DOCK10: variants seen among roughly 807,000 people sequenced by gnomAD.
DOCK10 encodes dedicator of cytokinesis 10, also known as dedicator of cytokinesis protein 10.
A neutral mutation model predicts 280.1 loss-of-function variants in DOCK10; 145 were observed. The ratio of observed to expected loss-of-function variants is 0.52; its 90% CI spans 0.45 to 0.59. The LOEUF is 0.59. DOCK10 is among the 20% of genes least tolerant of loss of function. DOCK10 has a pLI of 0.00. For synonymous variants in DOCK10, 915 were observed against 942.2 expected, an observed-to-expected ratio of 0.97 and a Z score of 0.53; for missense variants, 2,368 against 2,651.7, an observed-to-expected ratio of 0.89 and a Z score of 2.35.
intron 1 of DOCK10, among the ~76,000 whole-genome samples, chr2:225,040,902 C>T (rs1056129102): frequency 2.6e-5 from 4 of 152,156 alleles, no homozygotes; most frequent in African/African-American, 7.2e-5. Context: ...TGAAAATGTG[C>T]ACGCTGATAG....
Position 224,770,227 on chromosome 2 carries a change from G to A in DOCK10, c.6428C>T (p.Thr2143Ile), listed in dbSNP as rs1019957508. Reference sequence around the variant, plus strand: ...AGCGCTCACCTGCTCATTCATGACTGTGGAGAGTTCGCTGAGCATGTCCTT... The same window carrying A: ...AGCGCTCACCTGCTCATTCATGACTATGGAGAGTTCGCTGAGCATGTCCTT... ...HYKDMLSELS[T>I]VMNEQITGRD... is the part of the protein sequence containing the mutation. Residue 2143 changes from threonine (T) to isoleucine (I), a missense_variant, in exon 55 of 56, where the codon ACA (threonine) becomes ATA (isoleucine). Physicochemically the swap from Thr to Ile is moderately conservative, Grantham distance 89. Transcript: ENST00000258390. The surrounding 1 kb of genome is among the most constrained non-coding windows in gnomAD (Gnocchi z 4.5). 6.3e-6 allele frequency: 10 copies of A among 1,594,176 alleles called. No individual in the cohort carries two copies. The highest frequency in any genetic ancestry group is 8.5e-6 in the Non-Finnish European group (10 of 1,170,796).
chr2:224,861,831 C>T (rs907252484), intron 14 of DOCK10: 1 of 152,334 alleles, frequency 6.6e-6, no homozygotes, highest in East Asian at 1.9e-4. Flanking sequence ...CTCCTGACCT[C>T]GGGATCCGCC....
In DOCK10 at chr2:224,896,383, A is replaced by G. The variant is rs778662878; in HGVS notation, c.334-6T>C. On this transcript the variant is annotated splice_region_variant and splice_polypyrimidine_tract_variant and intron_variant, in intron 3 of 55. Transcript: ENST00000258390. ...GAACTATAAAATTTACAAGCCTGAA[A>G]GAAAGAAAAATGACAATTATTAATA... The G allele has an allele frequency of 2.6e-6, 4 of 1,541,244 alleles. No homozygotes were observed. Among genetic ancestry groups the G allele is most frequent in the Admixed American group, 3.6e-5 (2 of 56,172 alleles).
At chr2:224,922,333 C>G (rs62187985) in intron 2 of DOCK10, among the ~76,000 whole-genome samples, 35,069 of 152,088 alleles carry the variant, frequency 0.23, 4,541 homozygotes, top group Non-Finnish European at 0.28. Context: ...CAGATGCTTT[C>G]AGACCACTAC....
intron 28 of DOCK10, 89 bp downstream of exon 28, chr2:224,823,412 C>T: frequency 1.8e-6 from 2 of 1,129,160 alleles, no homozygotes; most frequent in Non-Finnish European, 2.4e-6. Flanking sequence ...TTTCATCATA[C>T]ATGAAGATGT....
chr2:224,994,412 A>G (rs1706211664), intron 1 of DOCK10, among the ~76,000 whole-genome samples: 1 of 152,250 alleles, frequency 6.6e-6, no homozygotes. Flanking sequence ...GCCAGGAAGT[A>G]GTACTACAAG....
intron 1 of DOCK10, among the ~76,000 whole-genome samples, chr2:225,036,539 A>T (rs920060404): frequency 3.9e-5 from 6 of 152,200 alleles, no homozygotes; most frequent in Admixed American, 2.0e-4. Flanking sequence ...TCTTATTAAA[A>T]TGCATTATCT....
chr2:224,952,036 A>G (rs765465486), intron 1 of DOCK10, among the ~76,000 whole-genome samples: 4 of 152,168 alleles, frequency 2.6e-5, no homozygotes, highest in Admixed American at 6.5e-5. Context: ...TCTCTGCTGT[A>G]GCCAGGGAAA....
chr2:224,896,223 A>T, intron 4 of DOCK10, 72 bp downstream of exon 4: 1 of 900,962 alleles, frequency 1.1e-6, no homozygotes, highest in Non-Finnish European at 1.7e-6. Context: ...TTCATGAACA[A>T]TGGCAGGACT....
intron 47 of DOCK10, among the ~76,000 whole-genome samples, chr2:224,792,701 A>G (rs879534126): frequency 2.6e-5 from 4 of 152,260 alleles, no homozygotes; most frequent in Non-Finnish European, 4.4e-5. Flanking sequence ...ACTGGCATGC[A>G]GATTGGTAGC....
chr2:225,021,411 T>C (rs1221699427), intron 1 of DOCK10, among the ~76,000 whole-genome samples: 1 of 152,192 alleles, frequency 6.6e-6, no homozygotes, highest in African/African-American at 2.4e-5. Context: ...CCATTTATGA[T>C]TATGTCCCCC....
At chr2:225,008,178 C>G (rs1411712693) in intron 1 of DOCK10, among the ~76,000 whole-genome samples, 1 of 152,112 alleles carries the variant, frequency 6.6e-6, no homozygotes. Flanking sequence ...CTTTTTATTT[C>G]TTTAGAGATG....
intron 4 of DOCK10, among the ~76,000 whole-genome samples, chr2:224,888,194 G>A (rs1699420414): frequency 6.6e-6 from 1 of 151,676 alleles, no homozygotes; most frequent in South Asian, 2.1e-4. Context: ...TGGATAAAGA[G>A]AATGTTTAAT....
intron 1 of DOCK10, among the ~76,000 whole-genome samples, chr2:225,018,909 CGTTATATATGTGTATATA>C (rs937547000): frequency 1.4e-5 from 2 of 138,704 alleles, no homozygotes; most frequent in Non-Finnish European, 3.1e-5. Flanking sequence ...ATATGTATAT[CGTTATATATGTGTATATA>C]GTTATATATG....
intron 1 of DOCK10, among the ~76,000 whole-genome samples, chr2:225,016,710 A>AT (rs1249972688): frequency 7.0e-6 from 1 of 143,070 alleles, no homozygotes; most frequent in Non-Finnish European, 1.5e-5. Flanking sequence ...TATAGACATA[A>AT]TTTTTTTTTT....
At chr2:225,033,955 A>C (rs958336999) in intron 1 of DOCK10, among the ~76,000 whole-genome samples, 24 of 152,208 alleles carry the variant, frequency 1.6e-4, no homozygotes, top group African/African-American at 5.3e-4. Flanking sequence ...ACTCTGTGCC[A>C]GTCCTGTCTT....
At chr2:224,981,101 T>A (rs1445768560) in intron 1 of DOCK10, among the ~76,000 whole-genome samples, 1 of 152,168 alleles carries the variant, frequency 6.6e-6, no homozygotes, top group Non-Finnish European at 1.5e-5. Flanking sequence ...TTCTTTGACA[T>A]TTGAACCTAT....
At chr2:224,874,828 A>G in intron 8 of DOCK10, 77 bp from the exon 9 acceptor site, 1 of 1,340,396 alleles carries the variant, frequency 7.5e-7, no homozygotes, top group South Asian at 1.2e-5. Flanking sequence ...GACATGCAAA[A>G]CTAAGTTAGG....
intron 3 of DOCK10, among the ~76,000 whole-genome samples, chr2:224,899,919 T>A (rs1327090191): frequency 2.6e-5 from 4 of 152,238 alleles, no homozygotes; most frequent in Non-Finnish European, 4.4e-5. Flanking sequence ...ATTCTTGTCC[T>A]GGGACTAGGA....
Sources: gnomAD v4.1 joint callset for allele counts (sites outside exome capture counted in the v4.1 genomes callset) on GRCh38, gnomAD v4.1.1 for gene constraint, Gnocchi (gnomAD v3.1) non-coding constraint, MANE v1.5 for transcripts, NCBI Gene and HGNC (gene_info 2026-07-23, HGNC 2026-07-21) for gene names.